The following PDE1C variants were observed in gnomAD, a reference collection of about 807,000 sequenced individuals.
PDE1C encodes phosphodiesterase 1C.
In PDE1C, 62 loss-of-function variants were observed where a neutral mutation model predicts 93.1. The ratio of observed to expected loss-of-function variants is 0.67; its 90% CI spans 0.54 to 0.82. The LOEUF (loss-of-function observed/expected upper bound fraction) is 0.82. Ranked by LOEUF, PDE1C falls within the 40% of genes least tolerant of loss-of-function variation. The pLI, the probability that PDE1C is intolerant of heterozygous loss-of-function variation, is 0.00. For missense variants in PDE1C, 742 were observed against 884.6 expected (o/e 0.84, Z 2.04); for synonymous variants, 325 against 310.1 (o/e 1.05, Z -0.50).
intron 3 of PDE1C, among the ~76,000 whole-genome samples, chr7:32,106,603 G>C (rs1320684631): frequency 6.6e-6 from 1 of 152,112 alleles, no homozygotes; most frequent in African/African-American, 2.4e-5. Flanking sequence ...AGAACTCCAA[G>C]CCGCAGACCC....
chr7:32,246,931 C>T (rs1014144615), intron 1 of PDE1C, among the ~76,000 whole-genome samples: 7 of 152,190 alleles, frequency 4.6e-5, no homozygotes, highest in Admixed American at 1.3e-4. Context: ...ATACTATGCA[C>T]TGAGGCTGAA....
intron 6 of PDE1C, among the ~76,000 whole-genome samples, chr7:31,871,873 AAAAGAAAG>A (rs570306558): frequency 9.9e-5 from 15 of 152,018 alleles, no homozygotes; most frequent in Non-Finnish European, 2.1e-4. Flanking sequence ...TATTTATTAA[AAAAGAAAG>A]AAAGAAAGAA....
chr7:31,872,859 T>C (rs766571338), intron 6 of PDE1C, among the ~76,000 whole-genome samples: 4 of 152,052 alleles, frequency 2.6e-5, no homozygotes. Context: ...TGATAAGTGA[T>C]AGTATTTGTC....
chr7:32,061,499 G>C (rs139411841), intron 1 of PDE1C, among the ~76,000 whole-genome samples: 3 of 152,236 alleles, frequency 2.0e-5, no homozygotes, highest in African/African-American at 4.8e-5. Flanking sequence ...CTGCAGAAAG[G>C]CCTCTTGCCA....
chr7:31,908,018 C>T (rs961899059), intron 2 of PDE1C, among the ~76,000 whole-genome samples: 4 of 151,906 alleles, frequency 2.6e-5, no homozygotes, highest in Non-Finnish European at 4.4e-5. Context: ...AAGTTAAAAT[C>T]CACCCAGTAT....
intron 2 of PDE1C, among the ~76,000 whole-genome samples, chr7:31,905,706 T>TA (rs1800507835): frequency 6.6e-6 from 1 of 152,312 alleles, no homozygotes; most frequent in Admixed American, 6.5e-5. Context: ...CTCAAGTTGA[T>TA]ACAAAATTGG....
At chr7:32,235,272 A>G (rs2128865243) in intron 1 of PDE1C, among the ~76,000 whole-genome samples, 2 of 152,172 alleles carry the variant, frequency 1.3e-5, no homozygotes, top group Admixed American at 1.3e-4. Flanking sequence ...TAGCCAGTGC[A>G]ATAAGGCAAG....
At chr7:31,970,909 G>A (rs947534245) in intron 2 of PDE1C, among the ~76,000 whole-genome samples, 6 of 152,220 alleles carry the variant, frequency 3.9e-5, no homozygotes, top group African/African-American at 1.4e-4. Context: ...TTGGGAAGCT[G>A]AGGTGGGAGG....
chr7:32,184,018 A>T (rs1803655894), intron 2 of PDE1C, among the ~76,000 whole-genome samples: 1 of 152,242 alleles, frequency 6.6e-6, no homozygotes, highest in Non-Finnish European at 1.5e-5. Context: ...AATAGAAGAC[A>T]TTTATGCAGC....
chr7:32,021,954 G>A (rs1481406823), intron 2 of PDE1C, among the ~76,000 whole-genome samples: 1 of 151,968 alleles, frequency 6.6e-6, no homozygotes, highest in African/African-American at 2.4e-5. Flanking sequence ...AATACCTTCT[G>A]TCTTAGGATG....
chr7:31,643,524 G>A, the PDE1C span: 557 of 1,613,970 alleles, frequency 3.5e-4, 5 homozygotes, highest in East Asian at 9.9e-3. Flanking sequence ...GCCTGGTGTC[G>A]GCTGCTCAGA....
intron 1 of PDE1C, among the ~76,000 whole-genome samples, chr7:32,286,855 C>T (rs985956397): frequency 7.9e-5 from 12 of 152,252 alleles, no homozygotes; most frequent in Non-Finnish European, 1.3e-4. Flanking sequence ...GAATATGGAT[C>T]GTTTTTATAG....
At chr7:32,205,447 T>G (rs1447162445) in intron 2 of PDE1C, among the ~76,000 whole-genome samples, 1 of 152,166 alleles carries the variant, frequency 6.6e-6, no homozygotes, top group Non-Finnish European at 1.5e-5. Flanking sequence ...TAAAGGTTTG[T>G]AAATGCACCA....
intron 2 of PDE1C, among the ~76,000 whole-genome samples, chr7:32,003,438 A>G (rs1785742072): frequency 6.6e-6 from 1 of 152,258 alleles, no homozygotes; most frequent in South Asian, 2.1e-4. Flanking sequence ...TTGTCCTCAG[A>G]TGCAACTGTG....
chr7:32,024,127 C>A (rs1008168258), intron 2 of PDE1C, among the ~76,000 whole-genome samples: 2 of 152,036 alleles, frequency 1.3e-5, no homozygotes, highest in African/African-American at 2.4e-5. Flanking sequence ...AGGTTTCTCT[C>A]TCCTGAGTTG....
At chr7:31,950,952 C>T (rs542520979) in intron 2 of PDE1C, among the ~76,000 whole-genome samples, 1 of 152,256 alleles carries the variant, frequency 6.6e-6, no homozygotes, top group East Asian at 1.9e-4. Flanking sequence ...TCAATTTTCT[C>T]ATAGTTCTGG....
At chr7:32,174,287 G>T (rs1300078989) in intron 2 of PDE1C, among the ~76,000 whole-genome samples, 3 of 151,952 alleles carry the variant, frequency 2.0e-5, no homozygotes, top group African/African-American at 7.2e-5. Flanking sequence ...CCCTCAATGT[G>T]CCAGGTTTCA....
At chr7:31,949,291 T>C (rs1349001313) in intron 2 of PDE1C, among the ~76,000 whole-genome samples, 2 of 152,004 alleles carry the variant, frequency 1.3e-5, no homozygotes, top group Admixed American at 6.6e-5. Context: ...AAACCTCATT[T>C]CTACTAAAAA....
At chr7:32,374,953 C>T (rs555636778) in intron 1 of PDE1C, among the ~76,000 whole-genome samples, 2 of 152,282 alleles carry the variant, frequency 1.3e-5, no homozygotes, top group South Asian at 2.1e-4. Flanking sequence ...CAAGCACCAC[C>T]GAGTTCCCAG....
Sources: allele counts gnomAD v4.1 joint callset (sites outside exome capture counted in the v4.1 genomes callset), GRCh38; gene constraint gnomAD v4.1.1; transcripts MANE v1.5; gene names NCBI Gene and HGNC (gene_info 2026-07-23, HGNC 2026-07-21).